Variants in THSD7B observed in about 807,000 individuals in gnomAD.
THSD7B encodes the protein thrombospondin type 1 domain containing 7B.
In THSD7B, 138 loss-of-function variants were observed where a neutral mutation model predicts 213.6. The ratio of observed to expected loss-of-function variants is 0.65; its 90% CI spans 0.56 to 0.74. THSD7B has a LOEUF of 0.74. THSD7B is among the 30% of genes least tolerant of loss of function. THSD7B has a pLI of 0.00. For synonymous variants in THSD7B, 742 were observed against 687.0 expected (o/e 1.08, Z -1.25); for missense variants, 1,931 against 1,991.5 (o/e 0.97, Z 0.58).
At chr2:137,115,438 T>G (rs1395607029) in intron 5 of THSD7B, 145 bp downstream of exon 5, 22 of 889,854 alleles carry the variant, frequency 2.5e-5, no homozygotes, top group Non-Finnish European at 3.3e-5. Context: ...ATGCCGCCCC[T>G]AAGTTCTTCC....
chr2:137,200,198 A>G (rs925159305), intron 7 of THSD7B, among the ~76,000 whole-genome samples: 1 of 152,112 alleles, frequency 6.6e-6, no homozygotes, highest in Non-Finnish European at 1.5e-5. Context: ...GCATAGGAGT[A>G]CCTTTTTATT....
At chr2:136,766,311 C>T (rs1369035882) in intron 1 of THSD7B, among the ~76,000 whole-genome samples, 1 of 151,980 alleles carries the variant, frequency 6.6e-6, no homozygotes, top group East Asian at 1.9e-4. Context: ...TTTACATTTC[C>T]CCTGTCCCTG....
chr2:137,500,560 C>T (rs890188539), intron 15 of THSD7B, among the ~76,000 whole-genome samples: 3 of 152,262 alleles, frequency 2.0e-5, no homozygotes, highest in African/African-American at 7.2e-5. Context: ...ACTTTCCAGC[C>T]GTATCACTTA....
intron 15 of THSD7B, among the ~76,000 whole-genome samples, chr2:137,511,788 G>T (rs1281968327): frequency 6.6e-6 from 1 of 152,192 alleles, no homozygotes; most frequent in Non-Finnish European, 1.5e-5. Flanking sequence ...TGCCTCACCT[G>T]CAGGGGAGTT....
intron 1 of THSD7B, among the ~76,000 whole-genome samples, chr2:136,781,469 A>C (rs1681742021): frequency 6.6e-6 from 1 of 150,734 alleles, no homozygotes; most frequent in African/African-American, 2.4e-5. Flanking sequence ...ACACGGTTTC[A>C]CCATGTTGGC....
chr2:137,306,345 G>A (rs539121563), intron 12 of THSD7B, among the ~76,000 whole-genome samples: 1 of 152,164 alleles, frequency 6.6e-6, no homozygotes, highest in South Asian at 2.1e-4. Flanking sequence ...GGAATTCTAG[G>A]AACTGTAATT....
chr2:137,537,938 A>C (rs144657231), intron 15 of THSD7B, among the ~76,000 whole-genome samples: 2 of 151,714 alleles, frequency 1.3e-5, no homozygotes, highest in Admixed American at 1.3e-4. Context: ...TATCACTCAC[A>C]TAAGTTCAAA....
intron 5 of THSD7B, among the ~76,000 whole-genome samples, chr2:137,147,021 T>G (rs1269549407): frequency 6.6e-6 from 1 of 152,148 alleles, no homozygotes; most frequent in East Asian, 1.9e-4. Context: ...AACCTGGTAA[T>G]CATAAAGATT....
At chr2:137,103,578 C>G (rs1006019936) in intron 4 of THSD7B, among the ~76,000 whole-genome samples, 1 of 152,000 alleles carries the variant, frequency 6.6e-6, no homozygotes, top group Non-Finnish European at 1.5e-5. Flanking sequence ...AATTAAAAGA[C>G]ACAGACTGGC....
chr2:137,414,654 A>G (rs1177488052), intron 14 of THSD7B, among the ~76,000 whole-genome samples: 1 of 152,168 alleles, frequency 6.6e-6, no homozygotes, highest in Non-Finnish European at 1.5e-5. Context: ...TGGGAGGTCA[A>G]GGCTTCAGTG....
intron 12 of THSD7B, among the ~76,000 whole-genome samples, chr2:137,339,966 A>G (rs1397678531): frequency 2.0e-5 from 3 of 150,988 alleles, no homozygotes; most frequent in Non-Finnish European, 4.4e-5. Context: ...CTGATATCCC[A>G]GTTTTGTCTG....
intron 3 of THSD7B, among the ~76,000 whole-genome samples, chr2:137,087,182 A>T (rs1038073891): frequency 5.9e-5 from 9 of 151,776 alleles, no homozygotes; most frequent in African/African-American, 2.2e-4. Flanking sequence ...AGTAAAAATT[A>T]AAAAAAAATA....
chr2:136,970,710 A>G (rs1685390992), intron 2 of THSD7B, among the ~76,000 whole-genome samples: 1 of 152,174 alleles, frequency 6.6e-6, no homozygotes, highest in Non-Finnish European at 1.5e-5. Flanking sequence ...CAGTTTAGTA[A>G]ATGAAAAGAA....
chr2:137,648,965 C>T (rs1330623156), intron 21 of THSD7B, among the ~76,000 whole-genome samples: 2 of 152,100 alleles, frequency 1.3e-5, no homozygotes, highest in African/African-American at 4.8e-5. Context: ...GCCATTTTAG[C>T]TGGGGTAAGA....
rs184905737 is a variant in THSD7B at position 137,500,200 on chromosome 2, G to A, written c.3138+49177G>A. Among the ~76,000 whole-genome samples, 44 of 152,170 alleles carry A rather than the reference G, an allele frequency of 2.9e-4. No individual in the cohort carries two copies. In the East Asian group the frequency reaches 8.3e-3, roughly 29 times the overall value. On this transcript the variant is annotated intron_variant, in intron 15 of 27. Coordinates refer to ENST00000409968, the MANE Select transcript of THSD7B (RefSeq NM_001316349.2). ...ACCCACTTTGATATATCAGAATAAAGAACTGAATATTGAGTAATGAAACCT... is the reference window on the plus strand; with the variant it reads ...ACCCACTTTGATATATCAGAATAAAAAACTGAATATTGAGTAATGAAACCT...
At chr2:137,639,254 C>T (rs1377108046) in intron 20 of THSD7B, among the ~76,000 whole-genome samples, 2 of 152,132 alleles carry the variant, frequency 1.3e-5, no homozygotes, top group African/African-American at 4.8e-5. Context: ...ACATGAAGCT[C>T]GGGCTGTGGC....
intron 12 of THSD7B, among the ~76,000 whole-genome samples, chr2:137,329,487 T>C (rs1382095977): frequency 6.6e-6 from 1 of 152,112 alleles, no homozygotes; most frequent in East Asian, 1.9e-4. Flanking sequence ...TACCTCAGCC[T>C]CCCAAGTAGC....
intron 2 of THSD7B, among the ~76,000 whole-genome samples, chr2:136,953,109 GA>G (rs1370742760): frequency 6.6e-6 from 1 of 152,076 alleles, no homozygotes; most frequent in Non-Finnish European, 1.5e-5. Context: ...AAAAGTAACA[GA>G]ATATTTAAAA....
intron 14 of THSD7B, among the ~76,000 whole-genome samples, chr2:137,418,238 G>A (rs545488097): frequency 6.6e-6 from 1 of 152,238 alleles, no homozygotes; most frequent in African/African-American, 2.4e-5. Context: ...ATTCACTGCA[G>A]TGGTGGCCCA....
Sources: gnomAD v4.1 joint callset for allele counts (sites outside exome capture counted in the v4.1 genomes callset) on GRCh38, gnomAD v4.1.1 for gene constraint, MANE v1.5 for transcripts, NCBI Gene and HGNC (gene_info 2026-07-23, HGNC 2026-07-21) for gene names.